Variants in PARP9 observed in about 807,000 individuals in gnomAD.
PARP9 encodes protein mono-ADP-ribosyltransferase PARP9.
A neutral mutation model predicts 68.8 loss-of-function variants in PARP9; 48 were observed. The ratio of observed to expected loss-of-function variants is 0.70; its 90% CI spans 0.55 to 0.89. The LOEUF is 0.89. Among genes scored for constraint, PARP9 ranks in the 40% least tolerant of loss-of-function variants. The pLI is 0.00. For missense variants in PARP9, 806 were observed against 969.3 expected (o/e 0.83, Z 2.24); for synonymous variants, 309 against 333.8 (o/e 0.93, Z 0.81).
intron 7 of PARP9, among the ~76,000 whole-genome samples, chr3:122,543,468 G>C (rs566292566): frequency 1.3e-5 from 2 of 150,508 alleles, no homozygotes; most frequent in Admixed American, 1.3e-4. Flanking sequence ...GCAGAGATGG[G>C]ATTTCTCCAT....
intron 2 of PARP9, among the ~76,000 whole-genome samples, chr3:122,559,004 CCGCCAA>C (rs1201852439): frequency 1.1e-4 from 17 of 152,216 alleles, no homozygotes; most frequent in Non-Finnish European, 1.6e-4. Flanking sequence ...GCGCCAGCCA[CCGCCAA>C]TGCATCTCAG....
Position 122,527,988 on chromosome 3 carries a change from A to C in PARP9, c.*376T>G, listed in dbSNP as rs1432277498. 6.4e-6 allele frequency: 1 copy of C among 155,978 alleles called. No individual in the cohort carries two copies. 9.7% of individuals were successfully genotyped at this position (155,978 alleles called of 1,614,324 possible). A position where few individuals can be genotyped will look rare whatever the true frequency, so the allele number is the denominator to read the frequency against. On this transcript the variant is annotated 3_prime_UTR_variant, in exon 11 of 11. Coordinates refer to ENST00000682323, the MANE Select transcript of PARP9 (RefSeq NM_001146105.2). ...CTTTATAATATTCTCTGGAAAATCT[A>C]AAATCATTCTGTTATCCTAACATTT...
chr3:122,528,819 T>G, intron 10 of PARP9, 76 bp from the exon 11 acceptor site: 1 of 1,307,538 alleles, frequency 7.6e-7, no homozygotes, highest in Non-Finnish European at 1.0e-6. Context: ...TACTAATATC[T>G]ATTCTTTCTT....
intron 1 of PARP9, among the ~76,000 whole-genome samples, chr3:122,563,515 C>T (rs1229054917): frequency 6.6e-6 from 1 of 152,128 alleles, no homozygotes; most frequent in Non-Finnish European, 1.5e-5. Flanking sequence ...GTTTCTTTAT[C>T]CTTTAAAAAA....
chr3:122,552,772 T>C, intron 4 of PARP9, 133 bp from the exon 5 acceptor site: 1 of 647,276 alleles, frequency 1.5e-6, no homozygotes, highest in Non-Finnish European at 2.6e-6. Flanking sequence ...ATTTCATTAA[T>C]AATGAATAGA....
Position 122,533,776 on chromosome 3 carries a change from T to C in PARP9, c.2080+2392A>G, listed in dbSNP as rs557295904. 23 of 985,382 alleles carry C rather than the reference T, an allele frequency of 2.3e-5. No homozygotes were observed. In the South Asian group the frequency reaches 1.0e-3, roughly 44 times the overall value. The allele number at this position is 985,382 out of a possible 1,614,324, so 61.0% of individuals were successfully genotyped here. A position where few individuals can be genotyped will look rare whatever the true frequency, so the allele number is the denominator to read the frequency against. ...AAGCAAGAGATTTATTCAGAACTGGTTGGAATGCAAACATAAATAGAAAAA... is the reference window on the plus strand; with the variant it reads ...AAGCAAGAGATTTATTCAGAACTGGCTGGAATGCAAACATAAATAGAAAAA... On this transcript the variant is annotated intron_variant, in intron 10 of 10. Coordinates refer to ENST00000682323, the MANE Select transcript of PARP9 (RefSeq NM_001146105.2).
chr3:122,533,180 T>G (rs563438382), intron 10 of PARP9: 2 of 152,386 alleles, frequency 1.3e-5, no homozygotes, highest in African/African-American at 4.8e-5. Flanking sequence ...TCACTAGGAC[T>G]GGGTGAATGC....
chr3:122,548,390 C>A (rs2078931160), intron 6 of PARP9, among the ~76,000 whole-genome samples: 1 of 152,218 alleles, frequency 6.6e-6, no homozygotes, highest in African/African-American at 2.4e-5. Context: ...CCCTCTATAT[C>A]CAAAATCCAG....
At chr3:122,546,514 G>A (rs901337787) in intron 6 of PARP9, among the ~76,000 whole-genome samples, 6 of 152,180 alleles carry the variant, frequency 3.9e-5, no homozygotes, top group Non-Finnish European at 7.3e-5. Context: ...TAGGTTAGGT[G>A]TATTAAATGC....
At chr3:122,545,540 T>C (rs759585791) in intron 6 of PARP9, 51 bp from the exon 7 acceptor site, 6 of 1,573,570 alleles carry the variant, frequency 3.8e-6, no homozygotes, top group Non-Finnish European at 5.2e-6. Flanking sequence ...TGATAGCCAT[T>C]GTCATCAAAG....
chr3:122,564,247 G>C lies in PARP9; in HGVS notation c.-92C>G. On this transcript the variant is annotated splice_region_variant and 5_prime_UTR_variant, in exon 1 of 11. Coordinates refer to ENST00000682323, the MANE Select transcript of PARP9 (RefSeq NM_001146105.2). ...CCAGAGGCACCGGACCTACTCACCC[G>C]GCAGGCCGCTCTCCTCGGTGCAGAC... 1.4e-6 allele frequency: 1 copy of C among 709,740 alleles called. No homozygotes were observed. Among genetic ancestry groups the C allele is most frequent in the African/African-American group, 1.9e-5 (1 of 52,792 alleles). The allele number at this position is 709,740 out of a possible 1,614,324, so 44.0% of individuals were successfully genotyped here. A position where few individuals can be genotyped will look rare whatever the true frequency, so the allele number is the denominator to read the frequency against.
intron 10 of PARP9, chr3:122,535,480 C>T (rs543939905): frequency 4.1e-6 from 4 of 985,410 alleles, no homozygotes; most frequent in African/African-American, 3.5e-5. Context: ...AGCCACCCCG[C>T]TAAGTATCTC....
chr3:122,539,351 G>A (rs143045000), intron 8 of PARP9, among the ~76,000 whole-genome samples: 98 of 152,212 alleles, frequency 6.4e-4, no homozygotes, highest in East Asian at 5.8e-4. Context: ...CTGTGTGCTC[G>A]TCAAGGTCCC....
Position 122,548,950 on chromosome 3 carries a change from T to A in PARP9, c.1326+1634A>T, listed in dbSNP as rs570583090. The stretch of plus-strand genomic sequence containing the variant: ...CTCAGTGAACTACAGCTCATTACAG[T>A]TGATGTAACAGCTAACCTTCTACTC... On this transcript the variant is annotated intron_variant, in intron 6 of 10. Coordinates refer to ENST00000682323, the MANE Select transcript of PARP9 (RefSeq NM_001146105.2). Among the ~76,000 whole-genome samples the A allele has an allele frequency of 4.6e-5, 7 of 152,294 alleles. 1 individual carries two copies. In the South Asian group the frequency reaches 1.4e-3, roughly 32 times the overall value.
chr3:122,557,869 T>C (rs2079836788), intron 3 of PARP9, among the ~76,000 whole-genome samples: 1 of 152,210 alleles, frequency 6.6e-6, no homozygotes, highest in Non-Finnish European at 1.5e-5. Flanking sequence ...ATACCATCAA[T>C]TGATAACAGG....
intron 3 of PARP9, among the ~76,000 whole-genome samples, chr3:122,557,156 C>T (rs375428341): frequency 1.6e-4 from 25 of 151,876 alleles, no homozygotes; most frequent in African/African-American, 6.1e-4. Flanking sequence ...GCATTTTTTC[C>T]CCTTTCTCAG....
At chr3:122,536,790 C>T (rs748096001) in intron 9 of PARP9, 144 bp downstream of exon 9, 13 of 978,418 alleles carry the variant, frequency 1.3e-5, no homozygotes, top group Non-Finnish European at 2.0e-5. Flanking sequence ...CCCTGCCCTG[C>T]TCTCTTTTCA....
rs151287174 is a variant in PARP9 at position 122,560,417 on chromosome 3, G to T, written c.-89-708C>A. On this transcript the variant is annotated intron_variant, in intron 1 of 10. Coordinates refer to ENST00000682323, the MANE Select transcript of PARP9 (RefSeq NM_001146105.2). The stretch of plus-strand genomic sequence containing the variant: ...TTGTTTTTTTGTTTTTTGAGTTGGA[G>T]TCTCACTCTGTCCCCCAGGAATGCA... Among the ~76,000 whole-genome samples, 633 of 152,110 alleles carry T rather than the reference G, an allele frequency of 4.2e-3. 1 individual carries two copies. The highest frequency in any genetic ancestry group is 7.9e-3 in the Non-Finnish European group (535 of 68,002).
intron 8 of PARP9, 68 bp downstream of exon 8, chr3:122,540,404 C>A: frequency 2.6e-6 from 4 of 1,562,308 alleles, no homozygotes; most frequent in Non-Finnish European, 3.5e-6. Context: ...TCCATACATA[C>A]ACGCTCACAC....
Sources: allele counts gnomAD v4.1 joint callset (sites outside exome capture counted in the v4.1 genomes callset), GRCh38; gene constraint gnomAD v4.1.1; transcripts MANE v1.5; gene names NCBI Gene and HGNC (gene_info 2026-07-23, HGNC 2026-07-21).